ELP4: variants seen among roughly 807,000 people sequenced by gnomAD.
The protein encoded by ELP4 is elongator complex protein 4.
ELP4 carries 51 observed loss-of-function variants against 48.9 expected under a neutral mutation model. The observed-to-expected ratio is 1.04, with a 90% CI of 0.83 to 1.32. ELP4 has a LOEUF of 1.32. ELP4 is among the 40% of genes most tolerant of loss of function. The pLI is 0.00. For missense variants in ELP4, 519 were observed against 514.6 expected, an observed-to-expected ratio of 1.01 and a Z score of -0.08; for synonymous variants, 210 against 189.2, an observed-to-expected ratio of 1.11 and a Z score of -0.90.
At chr11:31,511,615 T>C (rs1020620080) in intron 1 of ELP4, 1 of 152,188 alleles carries the variant, frequency 6.6e-6, no homozygotes, top group Non-Finnish European at 1.5e-5. Context: ...CCAGTGACCA[T>C]GTGTACTGAT....
chr11:31,740,570 T>G (rs1947421798), intron 9 of ELP4, among the ~76,000 whole-genome samples: 1 of 152,238 alleles, frequency 6.6e-6, no homozygotes, highest in Non-Finnish European at 1.5e-5. Context: ...TCCTAACTTT[T>G]GCATAAGCAG....
At chr11:31,733,980 C>A (rs1169231219) in intron 9 of ELP4, among the ~76,000 whole-genome samples, 1 of 152,144 alleles carries the variant, frequency 6.6e-6, no homozygotes, top group Non-Finnish European at 1.5e-5. Context: ...AAAAACCTAG[C>A]AAATCAAATT....
chr11:31,674,537 A>G (rs1461552147), intron 9 of ELP4, among the ~76,000 whole-genome samples: 1 of 152,232 alleles, frequency 6.6e-6, no homozygotes, highest in Non-Finnish European at 1.5e-5. Context: ...CTATAGAATG[A>G]GTATATTTGG....
intron 3 of ELP4, among the ~76,000 whole-genome samples, chr11:31,556,966 A>C (rs545713251): frequency 1.3e-5 from 2 of 151,964 alleles, no homozygotes; most frequent in Non-Finnish European, 2.9e-5. Context: ...TAATCAATTA[A>C]GCTGAAACTT....
chr11:31,679,658 A>G (rs1051674046), intron 9 of ELP4, among the ~76,000 whole-genome samples: 2 of 152,184 alleles, frequency 1.3e-5, no homozygotes, highest in Admixed American at 1.3e-4. Flanking sequence ...ATGAGATACT[A>G]TGCGTAAGGG....
intron 9 of ELP4, chr11:31,780,761 G>A (rs1284163603): frequency 6.6e-6 from 1 of 152,184 alleles, no homozygotes; most frequent in African/African-American, 2.4e-5. Context: ...CAAGCAAATA[G>A]GTAGGCTCCT....
chr11:31,510,052 G>C (rs759431199), intron 1 of ELP4, 45 bp downstream of exon 1: 1 of 1,575,376 alleles, frequency 6.3e-7, no homozygotes, highest in Non-Finnish European at 8.7e-7. Context: ...GGGAAACTTA[G>C]GGAGGGGACC....
chr11:31,515,104 A>C (rs1020981757), intron 1 of ELP4, among the ~76,000 whole-genome samples: 1 of 150,456 alleles, frequency 6.6e-6, no homozygotes, highest in Non-Finnish European at 1.5e-5. Flanking sequence ...TAAAAGCTTG[A>C]TTTTTAAAAG....
intron 9 of ELP4, among the ~76,000 whole-genome samples, chr11:31,670,019 A>T (rs1178978046): frequency 6.6e-6 from 1 of 152,098 alleles, no homozygotes; most frequent in Non-Finnish European, 1.5e-5. Context: ...CACACAACTC[A>T]TCCTTCCCTG....
intron 3 of ELP4, among the ~76,000 whole-genome samples, chr11:31,589,657 G>A (rs982374867): frequency 1.3e-5 from 2 of 152,126 alleles, no homozygotes; most frequent in African/African-American, 2.4e-5. Flanking sequence ...GTATATAGAT[G>A]ATACCACATC....
chr11:31,713,031 T>A (rs1173504356), intron 9 of ELP4, among the ~76,000 whole-genome samples: 1 of 152,226 alleles, frequency 6.6e-6, no homozygotes, highest in Non-Finnish European at 1.5e-5. Flanking sequence ...CCCCCTTGCA[T>A]CTGATATTGT....
intron 9 of ELP4, among the ~76,000 whole-genome samples, chr11:31,682,983 GC>G (rs1172085436): frequency 6.6e-6 from 1 of 152,012 alleles, no homozygotes; most frequent in African/African-American, 2.4e-5. Flanking sequence ...CACCCATAGT[GC>G]CAAAATATTT....
intron 3 of ELP4, among the ~76,000 whole-genome samples, chr11:31,549,967 C>G (rs1956813721): frequency 6.6e-6 from 1 of 151,994 alleles, no homozygotes; most frequent in Non-Finnish European, 1.5e-5. Context: ...AGGGGAACAT[C>G]ACACTCTGGG....
chr11:31,710,783 A>G (rs569249602), intron 9 of ELP4, among the ~76,000 whole-genome samples: 59 of 152,324 alleles, frequency 3.9e-4, no homozygotes, highest in African/African-American at 1.3e-3. Context: ...AGAGCGACAT[A>G]ATCAGTATTA....
intron 3 of ELP4, among the ~76,000 whole-genome samples, chr11:31,584,544 T>TG (rs1957442767): frequency 1.3e-5 from 2 of 152,224 alleles, no homozygotes; most frequent in African/African-American, 4.8e-5. Context: ...GTTGTTTTGT[T>TG]TTTGAGACAC....
intron 9 of ELP4, among the ~76,000 whole-genome samples, chr11:31,781,885 CAAAG>C (rs1435505398): frequency 6.6e-6 from 1 of 152,076 alleles, no homozygotes; most frequent in Non-Finnish European, 1.5e-5. Context: ...TTGCTTAAAA[CAAAG>C]AAACAAATAT....
chr11:31,653,517 T>C (rs1191717703), intron 9 of ELP4: 1 of 150,504 alleles, frequency 6.6e-6, no homozygotes, highest in African/African-American at 2.4e-5. Flanking sequence ...ATATAGTGAT[T>C]AAATATTTTA....
intron 7 of ELP4, chr11:31,633,278 G>C (rs1302260743): frequency 6.6e-6 from 1 of 152,012 alleles, no homozygotes; most frequent in African/African-American, 2.4e-5. Context: ...AAATATGACT[G>C]AAAAGTGTGA....
At chr11:31,535,219 C>CT (rs1490474624) in intron 2 of ELP4, among the ~76,000 whole-genome samples, 5 of 152,052 alleles carry the variant, frequency 3.3e-5, no homozygotes, top group Admixed American at 6.6e-5. Flanking sequence ...AGATAATGTG[C>CT]TAAGAAGGTA....
Sources: gnomAD v4.1 joint callset for allele counts (sites outside exome capture counted in the v4.1 genomes callset) on GRCh38, gnomAD v4.1.1 for gene constraint, MANE v1.5 for transcripts, NCBI Gene and HGNC (gene_info 2026-07-23, HGNC 2026-07-21) for gene names.